The following FBXL4 variants were observed in gnomAD, a reference collection of about 807,000 sequenced individuals.
FBXL4 encodes F-box and leucine rich repeat protein 4.
A neutral mutation model predicts 58.9 loss-of-function variants in FBXL4; 40 were observed. That is an observed-to-expected ratio of 0.68 (90% CI 0.53 to 0.88). FBXL4 has a LOEUF of 0.88. FBXL4 is among the 40% of genes least tolerant of loss of function. The pLI, the probability that FBXL4 is intolerant of heterozygous loss-of-function variation, is 0.00. For missense variants in FBXL4, 676 were observed against 734.4 expected, an observed-to-expected ratio of 0.92 and a Z score of 0.92; for synonymous variants, 263 against 265.5, an observed-to-expected ratio of 0.99 and a Z score of 0.09.
In FBXL4 at chr6:98,922,029, G is replaced by A. The variant is rs574988764; in HGVS notation, c.513-4310C>T. On this transcript the variant is annotated intron_variant, in intron 4 of 9. Transcript: ENST00000369244. The stretch of plus-strand genomic sequence containing the variant: ...TGCAACCTCCGCCTTCTGGTTTCAA[G>A]TGATTCTCCCGCCTCAGCCTCCCGA... 2.7e-4 allele frequency among the ~76,000 whole-genome samples: 41 copies of A among 152,294 alleles called. No individual in the cohort carries two copies. The South Asian group carries it at 3.9e-3, about 15-fold the overall frequency.
intron 2 of FBXL4, among the ~76,000 whole-genome samples, chr6:98,934,117 T>C (rs777551030): frequency 6.6e-6 from 1 of 152,182 alleles, no homozygotes; most frequent in Non-Finnish European, 1.5e-5. Context: ...GAAACTCTGA[T>C]TGAAATTAAA....
chr6:98,911,682 T>C (rs950635390), intron 5 of FBXL4, among the ~76,000 whole-genome samples: 4 of 151,914 alleles, frequency 2.6e-5, no homozygotes, highest in African/African-American at 9.7e-5. Flanking sequence ...CATCTGTACA[T>C]CACCATCATC....
intron 2 of FBXL4, among the ~76,000 whole-genome samples, chr6:98,932,706 A>G (rs2128408882): frequency 6.6e-6 from 1 of 152,308 alleles, no homozygotes; most frequent in African/African-American, 2.4e-5. Context: ...AGGACAGCGT[A>G]AAGGCTAGGT....
intron 4 of FBXL4, among the ~76,000 whole-genome samples, chr6:98,922,332 A>T (rs1772615180): frequency 6.6e-6 from 1 of 152,244 alleles, no homozygotes; most frequent in Non-Finnish European, 1.5e-5. Flanking sequence ...AAAGAAATGC[A>T]ATCACATGAA....
In FBXL4 at chr6:98,927,009, T is replaced by C. The variant is rs756680800; in HGVS notation, c.-21A>G. On this transcript the variant is annotated 5_prime_UTR_variant, in exon 4 of 10. Coordinates refer to ENST00000369244, the MANE Select transcript of FBXL4 (RefSeq NM_001278716.2). ...GACATCTAGATGTGAATTATGAAGC[T>C]TCAAAAGGTCAGGTGTCCTCAGTAA... 6.8e-6 allele frequency: 11 copies of C among 1,606,256 alleles called. No individual in the cohort carries two copies. The South Asian group carries it at 7.7e-5, about 11-fold the overall frequency.
chr6:98,947,226 C>T (rs1773654374), intron 1 of FBXL4, among the ~76,000 whole-genome samples: 1 of 152,326 alleles, frequency 6.6e-6, no homozygotes, highest in South Asian at 2.1e-4. Flanking sequence ...CAAAACCACC[C>T]GTTATAAATA....
intron 5 of FBXL4, among the ~76,000 whole-genome samples, chr6:98,911,100 C>T (rs567580314): frequency 1.3e-5 from 2 of 152,334 alleles, no homozygotes; most frequent in South Asian, 2.1e-4. Context: ...TGAGATCAAA[C>T]TGCAAGGTGG....
intron 1 of FBXL4, among the ~76,000 whole-genome samples, chr6:98,943,922 A>G (rs1169449986): frequency 6.6e-6 from 1 of 152,236 alleles, no homozygotes; most frequent in Non-Finnish European, 1.5e-5. Context: ...AATTCAACCA[A>G]AATCATAATC....
chr6:98,886,286 G>A (rs1257815949), intron 7 of FBXL4, among the ~76,000 whole-genome samples: 1 of 149,184 alleles, frequency 6.7e-6, no homozygotes, highest in African/African-American at 2.5e-5. Flanking sequence ...AGGAGTAAAT[G>A]AGAGAGAGAG....
intron 1 of FBXL4, among the ~76,000 whole-genome samples, chr6:98,946,451 A>T (rs551002931): frequency 6.6e-6 from 1 of 152,334 alleles, no homozygotes; most frequent in South Asian, 2.1e-4. Context: ...CGAAGTTAAG[A>T]TCGAGAATGT....
intron 7 of FBXL4, among the ~76,000 whole-genome samples, chr6:98,885,059 C>T (rs1770989142): frequency 6.6e-6 from 1 of 152,278 alleles, no homozygotes; most frequent in Admixed American, 6.5e-5. Context: ...ATGTATCAGC[C>T]TTACTAGGCC....
intron 4 of FBXL4, among the ~76,000 whole-genome samples, chr6:98,918,546 C>G (rs1031772546): frequency 6.6e-6 from 1 of 152,036 alleles, no homozygotes; most frequent in Non-Finnish European, 1.5e-5. Flanking sequence ...AACTATTTTC[C>G]AAAATTATTT....
intron 8 of FBXL4, among the ~76,000 whole-genome samples, chr6:98,878,051 A>G (rs1330844566): frequency 6.6e-6 from 1 of 152,216 alleles, no homozygotes; most frequent in Non-Finnish European, 1.5e-5. Context: ...TTAGTTTCAG[A>G]AAAAAAGTGA....
At chr6:98,943,494 G>A (rs1452241807) in intron 1 of FBXL4, among the ~76,000 whole-genome samples, 1 of 142,962 alleles carries the variant, frequency 7.0e-6, no homozygotes, top group East Asian at 2.2e-4. Flanking sequence ...GATCACTTAA[G>A]TCCAGGAGAT....
At chr6:98,941,323 A>G (rs1299107136) in intron 1 of FBXL4, among the ~76,000 whole-genome samples, 1 of 152,216 alleles carries the variant, frequency 6.6e-6, no homozygotes, top group Non-Finnish European at 1.5e-5. Flanking sequence ...CAAAAACTAC[A>G]TATTGTATGA....
At chr6:98,936,773 G>A (rs920231901) in intron 1 of FBXL4, among the ~76,000 whole-genome samples, 1 of 152,172 alleles carries the variant, frequency 6.6e-6, no homozygotes, top group African/African-American at 2.4e-5. Flanking sequence ...AGCTTATGGG[G>A]AGTAAAAAAT....
At chr6:98,941,484 CTTTTG>C (rs1773430698) in intron 1 of FBXL4, among the ~76,000 whole-genome samples, 2 of 152,120 alleles carry the variant, frequency 1.3e-5, no homozygotes, top group Non-Finnish European at 2.9e-5. Flanking sequence ...GTTCTGTGTG[CTTTTG>C]TTTTCAGTCA....
At chr6:98,881,932 G>T (rs1192171986) in intron 7 of FBXL4, among the ~76,000 whole-genome samples, 3 of 145,572 alleles carry the variant, frequency 2.1e-5, no homozygotes, top group Admixed American at 6.9e-5. Flanking sequence ...CATTAGGTTT[G>T]TTTTTTTTTT....
chr6:98,935,955 T>C (rs988096285), intron 1 of FBXL4, among the ~76,000 whole-genome samples: 6 of 152,272 alleles, frequency 3.9e-5, no homozygotes, highest in African/African-American at 1.4e-4. Context: ...AAAGAAAAAA[T>C]GATATTTTGT....
Sources: gnomAD v4.1 joint callset for allele counts (sites outside exome capture counted in the v4.1 genomes callset) on GRCh38, gnomAD v4.1.1 for gene constraint, MANE v1.5 for transcripts, NCBI Gene and HGNC (gene_info 2026-07-23, HGNC 2026-07-21) for gene names.